The following BAX variants were observed in gnomAD, a reference collection of about 807,000 sequenced individuals.
BAX encodes BCL2 associated X, apoptosis regulator.
Under a neutral mutation model 26.8 loss-of-function variants are expected in BAX, and 21 were observed. That is an observed-to-expected ratio of 0.78 (90% confidence interval 0.56 to 1.13). The LOEUF is 1.13. Ranked by LOEUF, BAX falls within the 50% of genes most tolerant of loss-of-function variation. The pLI is 0.00. For synonymous variants in BAX, 110 were observed against 101.8 expected, an observed-to-expected ratio of 1.08 and a Z score of -0.49; for missense variants, 236 against 254.6, an observed-to-expected ratio of 0.93 and a Z score of 0.50.
chr19:48,959,676 A>T (rs1228575183), intron 4 of BAX, among the ~76,000 whole-genome samples: 1 of 150,888 alleles, frequency 6.6e-6, no homozygotes, highest in Non-Finnish European at 1.5e-5. Context: ...AAAAAAAAAA[A>T]ATAGCCCGGT....
intron 5 of BAX, 110 bp downstream of exon 5, chr19:48,961,024 G>T: frequency 6.2e-7 from 1 of 1,612,142 alleles, no homozygotes. Context: ...TTCTGGAGCA[G>T]GTCACAGTGG....
At chr19:48,955,430 G>A (rs2038085384) in intron 1 of BAX, 118 bp from the exon 2 acceptor site, 12 of 1,184,880 alleles carry the variant, frequency 1.0e-5, no homozygotes, top group Non-Finnish European at 1.4e-5. Flanking sequence ...ATCTGCTAGG[G>A]TCCCAGAAGT....
At chr19:48,960,643 AT>A (rs1307456555) in intron 4 of BAX, among the ~76,000 whole-genome samples, 166 bp from the exon 5 acceptor site, 6 of 152,318 alleles carry the variant, frequency 3.9e-5, no homozygotes, top group African/African-American at 1.4e-4. Flanking sequence ...GATTACAGGC[AT>A]GAGCCGCCGC....
rs753272713 is a variant in BAX at position 48,955,761 on chromosome 19, C to A, written c.161C>A (p.Ala54Glu). ...ELALDPVPQD[A>E]STKKLSECLK... ...GCCCTGGACCCGGTGCCTCAGGATG[C>A]GTCCACCAAGAAGCTGAGCGAGTGT... Residue 54 changes from alanine (A) to glutamate (E), a missense_variant, in exon 3 of 6, where the codon GCG becomes GAG. Coordinates refer to ENST00000345358, the MANE Select transcript of BAX (RefSeq NM_138761.4). 6.2e-7 allele frequency: 1 copy of A among 1,613,398 alleles called. No individual in the cohort carries two copies. Among genetic ancestry groups the A allele is most frequent in the South Asian group, 1.1e-5 (1 of 91,018 alleles).
Position 48,956,281 on chromosome 19 carries a change from A to G in BAX, c.317A>G (p.Asn106Ser). 1 of 1,590,614 alleles carries G rather than the reference A, an allele frequency of 6.3e-7. No individual in the cohort carries two copies. The highest frequency in any genetic ancestry group is 8.6e-7 in the Non-Finnish European group (1 of 1,169,382). ...GACATGTTTTCTGACGGCAACTTCA[A>G]CTGGGGCCGGGTTGTCGCCCTTTTC... ...AADMFSDGNF[N>S]WGRVVALFYF... The change falls in exon 4 of 6, where the codon AAC becomes AGC. Residue 106 changes from asparagine (N) to serine (S), a missense_variant. Physicochemically the swap from Asn to Ser is conservative, Grantham distance 46. Coordinates refer to ENST00000345358, the MANE Select transcript of BAX (RefSeq NM_138761.4).
chr19:48,958,011 G>A (rs1032154136), intron 4 of BAX, among the ~76,000 whole-genome samples: 23 of 152,224 alleles, frequency 1.5e-4, no homozygotes, highest in African/African-American at 3.9e-4. Context: ...GGGCAGAAGC[G>A]AGGATCCTGG....
intron 5 of BAX, chr19:48,961,173 C>T (rs1035163287): frequency 8.5e-6 from 13 of 1,522,320 alleles, no homozygotes; most frequent in South Asian, 1.3e-5. Context: ...TGATTAGTGC[C>T]TTCTGCCCTC....
In BAX at chr19:48,955,034, G is replaced by A. The variant is rs1200553303; in HGVS notation, c.34+72G>A. The A allele has an allele frequency of 4.0e-6, 5 of 1,238,214 alleles. No individual in the cohort carries two copies. In the African/African-American group the frequency reaches 4.6e-5, roughly 12 times the overall value. 76.7% of individuals were successfully genotyped at this position (1,238,214 alleles called of 1,614,324 possible). ...GGCCCGTCCGGGATCCTTCCTACCGGCCTGGGGCTGTGCGATCTCCAAGCA... is the reference window on the plus strand; with the variant it reads ...GGCCCGTCCGGGATCCTTCCTACCGACCTGGGGCTGTGCGATCTCCAAGCA... On this transcript the variant is annotated intron_variant, in intron 1 of 5. Transcript: ENST00000345358.
chr19:48,956,426 G>GT (rs2038137310), intron 4 of BAX, 93 bp downstream of exon 4: 1 of 1,367,208 alleles, frequency 7.3e-7, no homozygotes, highest in African/African-American at 1.5e-5. Flanking sequence ...CAGTGGCCCA[G>GT]TGACCACAGA....
At chr19:48,960,297 G>T (rs774013228) in intron 4 of BAX, 1 of 423,364 alleles carries the variant, frequency 2.4e-6, no homozygotes, top group Non-Finnish European at 4.8e-6. Flanking sequence ...GGGTTCAAGC[G>T]ATTCACCTGC....
In BAX at chr19:48,954,977, A is replaced by G; in HGVS notation, c.34+15A>G. 2 of 1,238,492 alleles carry G rather than the reference A, an allele frequency of 1.6e-6. No individual in the cohort carries two copies. Among genetic ancestry groups the G allele is most frequent in the Non-Finnish European group, 2.0e-6 (2 of 990,458 alleles). 76.7% of individuals were successfully genotyped at this position (1,238,492 alleles called of 1,614,324 possible). On this transcript the variant is annotated intron_variant, in intron 1 of 5. Transcript: ENST00000345358. ...CAGAGGCGGGGGTGAGGCGGGAGGC[A>G]GACGGGCGGGAGGAGGGCGAGCCCC...
At chr19:48,961,480 C>T in intron 5 of BAX, 52 bp from the exon 6 acceptor site, 1 of 1,489,508 alleles carries the variant, frequency 6.7e-7, no homozygotes, top group Non-Finnish European at 9.2e-7. Flanking sequence ...TCTGCCTGCC[C>T]AGGGGCTGCC....
At position 48,956,313 on chromosome 19, in the gene BAX, G is replaced by A; in HGVS notation, c.349G>A (p.Ala117Thr). The change falls in exon 4 of 6, where the codon GCC becomes ACC. Residue 117 changes from alanine to threonine, a missense_variant. Ala to Thr is a moderately conservative substitution (Grantham distance 58, BLOSUM62 0). Transcript: ENST00000345358. The part of the protein sequence containing the change: ...WGRVVALFYF[A>T]SKLVLKALCT... ...CCGGGTTGTCGCCCTTTTCTACTTT[G>A]CCAGCAAACTGGTGCTCAAGGTGGG... 1.3e-6 allele frequency: 2 copies of A among 1,577,184 alleles called. 1 individual carries two copies.
At chr19:48,960,753 T>C in intron 4 of BAX, 57 bp from the exon 5 acceptor site, 3 of 1,424,424 alleles carry the variant, frequency 2.1e-6, no homozygotes, top group Non-Finnish European at 2.9e-6. Flanking sequence ...TTGGGGCCAC[T>C]ATCTCCAGGC....
chr19:48,955,541 CCT>C lies in BAX; in HGVS notation c.35-4_35-3del. Reference sequence around the variant, plus strand: ...CCAGGTACCTCTTCCCTTCCTTTCTCCTCTAGGGCCCACCAGCTCTGAGCAGA... The same window carrying C: ...CCAGGTACCTCTTCCCTTCCTTTCTCCTAGGGCCCACCAGCTCTGAGCAGA... On this transcript the variant is annotated splice_polypyrimidine_tract_variant and splice_region_variant and intron_variant, in intron 1 of 5. Coordinates refer to ENST00000345358, the MANE Select transcript of BAX (RefSeq NM_138761.4). 6.2e-7 allele frequency: 1 copy of C among 1,612,056 alleles called. No individual in the cohort carries two copies. The highest frequency in any genetic ancestry group is 8.5e-7 in the Non-Finnish European group (1 of 1,179,012).
intron 4 of BAX, chr19:48,960,346 A>G (rs928253195): frequency 2.8e-6 from 1 of 360,704 alleles, no homozygotes; most frequent in Non-Finnish European, 5.5e-6. Flanking sequence ...GGTGCCTGCC[A>G]CCACACCCAG....
At chr19:48,958,086 G>C (rs1440247384) in intron 4 of BAX, among the ~76,000 whole-genome samples, 2 of 51,400 alleles carry the variant, frequency 3.9e-5, no homozygotes, top group African/African-American at 7.2e-5. Flanking sequence ...GCAGAGGTGC[G>C]GGGGGGGCAT....
Position 48,961,733 on chromosome 19 carries a change from T to G in BAX, c.*97T>G. On this transcript the variant is annotated 3_prime_UTR_variant, in exon 6 of 6. Coordinates refer to ENST00000345358, the MANE Select transcript of BAX (RefSeq NM_138761.4). ...GGGGACGTGGGCATTTTTCTTACTTTTGTAATTATTGGGGGGTGTGGGGAA... is the reference window on the plus strand; with the variant it reads ...GGGGACGTGGGCATTTTTCTTACTTGTGTAATTATTGGGGGGTGTGGGGAA... 1 of 1,029,024 alleles carries G rather than the reference T, an allele frequency of 9.7e-7. No homozygotes were observed. Among genetic ancestry groups the G allele is most frequent in the Non-Finnish European group, 1.4e-6 (1 of 719,648 alleles). The allele number at this position is 1,029,024 out of a possible 1,614,324, so 63.7% of individuals were successfully genotyped here. A position where few individuals can be genotyped will look rare whatever the true frequency, so the allele number is the denominator to read the frequency against.
At chr19:48,955,013 C>G (rs534358981) in intron 1 of BAX, 51 bp downstream of exon 1, 11 of 1,240,204 alleles carry the variant, frequency 8.9e-6, no homozygotes, top group Middle Eastern at 3.0e-4. Context: ...CTCGCCGGCC[C>G]GTCCGGGATC....
Sources: gnomAD v4.1 joint callset for allele counts (sites outside exome capture counted in the v4.1 genomes callset) on GRCh38, gnomAD v4.1.1 for gene constraint, MANE v1.5 for transcripts, NCBI Gene and HGNC (gene_info 2026-07-23, HGNC 2026-07-21) for gene names.